Variants in IQGAP1 observed in about 807,000 individuals in gnomAD.
IQGAP1 encodes the protein IQ motif containing GTPase activating protein 1, also known as ras GTPase-activating-like protein IQGAP1.
In IQGAP1, 66 loss-of-function variants were observed where a neutral mutation model predicts 215.6. The ratio of observed to expected loss-of-function variants is 0.31; its 90% CI spans 0.25 to 0.38. The LOEUF is 0.38. Among genes scored for constraint, IQGAP1 ranks in the 10% least tolerant of loss-of-function variants. The pLI, the probability that IQGAP1 is intolerant of heterozygous loss-of-function variation, is 1.00. For synonymous variants in IQGAP1, 772 were observed against 728.7 expected (o/e 1.06, Z -0.96); for missense variants, 1,712 against 1,997.1 (o/e 0.86, Z 2.72).
intron 28 of IQGAP1, chr15:90,482,578 G>A (rs770642673): frequency 1.1e-4 from 45 of 419,608 alleles, no homozygotes; most frequent in Non-Finnish European, 1.6e-4. Flanking sequence ...CTGGTGACCT[G>A]GCGAATAGTA....
intron 1 of IQGAP1, among the ~76,000 whole-genome samples, chr15:90,390,454 T>C (rs1964620003): frequency 6.6e-6 from 1 of 152,180 alleles, no homozygotes; most frequent in Non-Finnish European, 1.5e-5. Context: ...GAAACAATAT[T>C]ATCAGATCTG....
intron 33 of IQGAP1, among the ~76,000 whole-genome samples, chr15:90,488,264 AATG>A (rs1966157419): frequency 6.6e-6 from 1 of 151,570 alleles, no homozygotes; most frequent in South Asian, 2.1e-4. Flanking sequence ...AAATAAATAA[AATG>A]TTGTAGTATT....
chr15:90,444,671 A>G (rs1965502358), intron 9 of IQGAP1, among the ~76,000 whole-genome samples: 1 of 152,186 alleles, frequency 6.6e-6, no homozygotes, highest in Admixed American at 6.6e-5. Context: ...ATTTATTGAA[A>G]TTATCATTTT....
At chr15:90,492,844 C>A in intron 35 of IQGAP1, 133 bp downstream of exon 35, 1 of 689,140 alleles carries the variant, frequency 1.5e-6, no homozygotes, top group Non-Finnish European at 2.4e-6. Context: ...TTTTATTTTA[C>A]CTCTAATCAT....
chr15:90,469,760 T>C (rs1189382013), intron 18 of IQGAP1, among the ~76,000 whole-genome samples: 1 of 152,138 alleles, frequency 6.6e-6, no homozygotes, highest in African/African-American at 2.4e-5. Flanking sequence ...AAAAGGCTGT[T>C]CTAGACAGAA....
intron 23 of IQGAP1, among the ~76,000 whole-genome samples, chr15:90,475,037 T>C (rs1327044206): frequency 1.4e-5 from 2 of 144,144 alleles, no homozygotes; most frequent in Non-Finnish European, 3.0e-5. Context: ...TTCCCTCTCG[T>C]CGCTCAGGCT....
intron 19 of IQGAP1, chr15:90,473,500 G>A (rs1218393748): frequency 5.5e-6 from 3 of 545,394 alleles, no homozygotes; most frequent in Non-Finnish European, 9.9e-6. Flanking sequence ...GGTGTGCAGG[G>A]CTGTGCTGAC....
intron 28 of IQGAP1, chr15:90,482,697 C>T: frequency 1.0e-6 from 1 of 1,002,196 alleles, no homozygotes; most frequent in Non-Finnish European, 1.2e-6. Context: ...TCTTCTCTCT[C>T]CTAGTTCTGT....
chr15:90,406,336 T>C lies in IQGAP1; in HGVS notation c.155+15463T>C, dbSNP rs1344806859. ...GAGAAAAACACACGCCTGGCAATTT[T>C]TTGTATTTTTAGTAGAGACGGGGTT... On this transcript the variant is annotated intron_variant, in intron 2 of 37. Transcript: ENST00000268182. Among the ~76,000 whole-genome samples the C allele has an allele frequency of 1.3e-5, 2 of 152,192 alleles. 1 individual carries two copies. Among genetic ancestry groups the C allele is most frequent in the African/African-American group, 4.8e-5 (2 of 41,460 alleles).
intron 15 of IQGAP1, among the ~76,000 whole-genome samples, chr15:90,458,616 A>G (rs1298268827): frequency 1.3e-5 from 2 of 152,228 alleles, no homozygotes; most frequent in Non-Finnish European, 2.9e-5. Context: ...TCTGTATTTT[A>G]AAAATGACTT....
intron 15 of IQGAP1, among the ~76,000 whole-genome samples, chr15:90,463,091 T>C (rs2078527275): frequency 6.6e-6 from 1 of 152,214 alleles, no homozygotes; most frequent in Non-Finnish European, 1.5e-5. Context: ...TCTCTTTCCT[T>C]CTTCATTCTG....
In IQGAP1 at chr15:90,448,560, C is replaced by A. The variant is rs186968583; in HGVS notation, c.914-13C>A. The A allele has an allele frequency of 2.2e-5, 35 of 1,556,336 alleles. No homozygotes were observed. The East Asian group carries it at 7.6e-4, about 34-fold the overall frequency. ...ACATAGTCCTTTCACAAGCTTTTGC[C>A]TTTTTTCCTCAGCATTTTCTGCATT... On this transcript the variant is annotated splice_polypyrimidine_tract_variant and intron_variant, in intron 9 of 37. Coordinates refer to ENST00000268182, the MANE Select transcript of IQGAP1 (RefSeq NM_003870.4).
At chr15:90,466,228 ACT>A (rs1238182750) in intron 16 of IQGAP1, 39 bp from the exon 17 acceptor site, 6 of 1,604,498 alleles carry the variant, frequency 3.7e-6, no homozygotes, top group Non-Finnish European at 5.1e-6. Flanking sequence ...GAATTTAGAC[ACT>A]CTCTAAACTA....
chr15:90,436,726 T>G (rs1283337659), intron 5 of IQGAP1, among the ~76,000 whole-genome samples: 2 of 152,212 alleles, frequency 1.3e-5, no homozygotes, highest in Non-Finnish European at 2.9e-5. Context: ...CCATTAGGGT[T>G]TATAAGTTTC....
chr15:90,405,036 T>G (rs1446257367), intron 2 of IQGAP1, among the ~76,000 whole-genome samples: 1 of 152,256 alleles, frequency 6.6e-6, no homozygotes, highest in African/African-American at 2.4e-5. Flanking sequence ...CATGTTTTCC[T>G]CTAGTATGTT....
intron 8 of IQGAP1, 88 bp downstream of exon 8, chr15:90,441,772 A>T: frequency 1.1e-6 from 1 of 942,590 alleles, no homozygotes; most frequent in Non-Finnish European, 1.6e-6. Flanking sequence ...TTTTATTGAG[A>T]TGCAGTTTAC....
intron 1 of IQGAP1, among the ~76,000 whole-genome samples, chr15:90,389,746 T>G (rs1371086173): frequency 6.6e-6 from 1 of 150,466 alleles, no homozygotes; most frequent in Non-Finnish European, 1.5e-5. Context: ...TTTGAGGCCT[T>G]GAGTTTGAGA....
intron 2 of IQGAP1, among the ~76,000 whole-genome samples, chr15:90,417,190 G>T (rs1273295830): frequency 6.6e-6 from 1 of 152,126 alleles, no homozygotes; most frequent in Non-Finnish European, 1.5e-5. Flanking sequence ...TTCTTTTGCT[G>T]TGCAGAAGCT....
At position 90,477,654 on chromosome 15, in the gene IQGAP1, ATG is replaced by A; in HGVS notation, c.3105-9_3105-8del. ...TGTGACAAGTTTAAATTTTTATCTGATGTTTTATAGGTCGAAGGTAGATCAGA... is the reference window on the plus strand; with the variant it reads ...TGTGACAAGTTTAAATTTTTATCTGATTTTATAGGTCGAAGGTAGATCAGA... On this transcript the variant is annotated splice_polypyrimidine_tract_variant and intron_variant, in intron 25 of 37. Coordinates refer to ENST00000268182, the MANE Select transcript of IQGAP1 (RefSeq NM_003870.4). 1 of 1,578,876 alleles carries A rather than the reference ATG, an allele frequency of 6.3e-7. No homozygotes were observed. Among genetic ancestry groups the A allele is most frequent in the South Asian group, 1.1e-5 (1 of 90,302 alleles).
Sources: allele counts gnomAD v4.1 joint callset (sites outside exome capture counted in the v4.1 genomes callset), GRCh38; gene constraint gnomAD v4.1.1; transcripts MANE v1.5; gene names NCBI Gene and HGNC (gene_info 2026-07-23, HGNC 2026-07-21).